The following SDK1 variants were observed in gnomAD, a reference collection of about 807,000 sequenced individuals.
SDK1 encodes protein sidekick-1.
A neutral mutation model predicts 245.5 loss-of-function variants in SDK1; 157 were observed. The ratio of observed to expected loss-of-function variants is 0.64; its 90% CI spans 0.56 to 0.73. SDK1 has a LOEUF of 0.73. Among genes scored for constraint, SDK1 ranks in the 30% least tolerant of loss-of-function variants. The probability of loss-of-function intolerance (pLI) is 0.00; values close to 1 mark genes in which losing one functional copy is unlikely to be tolerated. For missense variants in SDK1, 3,583 were observed against 3,002.3 expected (o/e 1.19, Z -4.52); for synonymous variants, 1,647 against 1,278.5 (o/e 1.29, Z -6.15).
chr7:3,455,021 T>C (rs73036763), intron 1 of SDK1, among the ~76,000 whole-genome samples: 25,601 of 152,176 alleles, frequency 0.17, 2,158 homozygotes, highest in South Asian at 0.22. Context: ...ATTTTAGATA[T>C]TCTGATAGGT....
At chr7:4,065,578 G>C (rs1448755260) in intron 19 of SDK1, among the ~76,000 whole-genome samples, 1 of 152,014 alleles carries the variant, frequency 6.6e-6, no homozygotes, top group African/African-American at 2.4e-5. Flanking sequence ...GGATGAGATG[G>C]TCTTGACAGC....
At chr7:3,834,290 G>C (rs1250435543) in intron 5 of SDK1, among the ~76,000 whole-genome samples, 1 of 152,212 alleles carries the variant, frequency 6.6e-6, no homozygotes, top group Non-Finnish European at 1.5e-5. Context: ...GCTTGATGCC[G>C]AGGACACTTG....
At chr7:3,475,091 T>G (rs1781312230) in intron 1 of SDK1, among the ~76,000 whole-genome samples, 4 of 152,244 alleles carry the variant, frequency 2.6e-5, no homozygotes, top group Admixed American at 2.6e-4. Context: ...AAAACACATT[T>G]AATCATGATA....
At chr7:3,998,094 A>G (rs56240734) in intron 14 of SDK1, among the ~76,000 whole-genome samples, 2 of 152,082 alleles carry the variant, frequency 1.3e-5, no homozygotes, top group African/African-American at 4.8e-5. Context: ...CAAGGAGGCT[A>G]GGATCTGCAG....
chr7:3,537,577 C>T (rs2128619628), intron 1 of SDK1, among the ~76,000 whole-genome samples: 1 of 152,320 alleles, frequency 6.6e-6, no homozygotes, highest in Non-Finnish European at 1.5e-5. Flanking sequence ...GAATAACAAA[C>T]TGCAAGCTTG....
intron 22 of SDK1, among the ~76,000 whole-genome samples, chr7:4,081,684 C>G (rs1429323526): frequency 1.3e-5 from 2 of 152,092 alleles, no homozygotes; most frequent in African/African-American, 2.4e-5. Context: ...TCCCAAATCG[C>G]TGGGATTACA....
chr7:3,308,890 A>C (rs1020510522), intron 1 of SDK1, among the ~76,000 whole-genome samples: 5 of 152,088 alleles, frequency 3.3e-5, no homozygotes, highest in Non-Finnish European at 7.4e-5. Context: ...ATGAGAAAAA[A>C]ATAGAGGGAG....
chr7:4,200,394 A>G (rs1278909394), intron 35 of SDK1, among the ~76,000 whole-genome samples: 1 of 152,248 alleles, frequency 6.6e-6, no homozygotes, highest in African/African-American at 2.4e-5. Flanking sequence ...TGATCCCAGT[A>G]TAGCAACCTA....
At chr7:3,887,009 A>T (rs932818188) in intron 5 of SDK1, among the ~76,000 whole-genome samples, 1 of 152,202 alleles carries the variant, frequency 6.6e-6, no homozygotes, top group Non-Finnish European at 1.5e-5. Flanking sequence ...GGCTACGTTA[A>T]TATTTTTTTT....
At position 4,215,039 on chromosome 7, in the gene SDK1, A is replaced by G. The variant is rs144496600; in HGVS notation, c.5539+4877A>G. On this transcript the variant is annotated intron_variant, in intron 38 of 44. Transcript: ENST00000404826. Reference sequence around the variant, plus strand: ...GCCTGGGGAAGGCCCTCCTCACCACAAATGCCAGCAGAGCCTCGGGACCCT... The same window carrying G: ...GCCTGGGGAAGGCCCTCCTCACCACGAATGCCAGCAGAGCCTCGGGACCCT... Among the ~76,000 whole-genome samples the G allele has an allele frequency of 3.7e-3, 558 of 152,294 alleles. 4 individuals are homozygous for G. The highest frequency in any genetic ancestry group is 0.013 in the African/African-American group (536 of 41,562).
intron 1 of SDK1, among the ~76,000 whole-genome samples, chr7:3,591,176 G>T (rs187483294): frequency 6.6e-6 from 1 of 152,204 alleles, no homozygotes; most frequent in Non-Finnish European, 1.5e-5. Flanking sequence ...CCTGTAGGCA[G>T]TTCAAGGTGT....
chr7:3,918,690 AC>A (rs1188420019), intron 5 of SDK1, among the ~76,000 whole-genome samples: 1 of 152,166 alleles, frequency 6.6e-6, no homozygotes, highest in African/African-American at 2.4e-5. Context: ...CTTCTGTGAA[AC>A]CAGTCCCTGT....
In SDK1 at chr7:4,017,305, G is replaced by A. The variant is rs1786490732; in HGVS notation, c.2555G>A (p.Gly852Asp). The A allele has an allele frequency of 1.2e-6, 2 of 1,613,802 alleles. No homozygotes were observed. The highest frequency in any genetic ancestry group is 1.7e-6 in the Non-Finnish European group (2 of 1,179,890). The change falls in exon 17 of 45, where the codon GGT becomes GAT. Residue 852 changes from glycine to aspartate, a missense_variant. Gly to Asp is a moderately conservative substitution (Grantham distance 94, BLOSUM62 -1). Coordinates refer to ENST00000404826, the MANE Select transcript of SDK1 (RefSeq NM_152744.4). ...CAGGTGGCGGCGTACAACGGGGCCG[G>A]TCTGGGCGTCTTCAGCAGGGCAGTG... is the stretch of plus-strand genomic sequence containing the variant. ...EIQVAAYNGA[G>D]LGVFSRAVTE...
chr7:4,147,956 C>T (rs1450598089), intron 29 of SDK1, among the ~76,000 whole-genome samples: 9 of 152,138 alleles, frequency 5.9e-5, no homozygotes, highest in Admixed American at 5.9e-4. Context: ...TCCCCGTGTC[C>T]TGCCCCACAG....
intron 12 of SDK1, among the ~76,000 whole-genome samples, chr7:3,972,235 A>C (rs900199670): frequency 5.3e-5 from 8 of 150,992 alleles, no homozygotes; most frequent in Non-Finnish European, 1.0e-4. Context: ...GCCTGCCACC[A>C]CTCCCGGCTA....
chr7:3,349,129 A>G (rs11766702), intron 1 of SDK1, among the ~76,000 whole-genome samples: 44,528 of 151,288 alleles, frequency 0.29, 6,751 homozygotes, highest in East Asian at 0.39. Context: ...CTCCTCTCCT[A>G]CTTCTGCTGC....
chr7:4,251,195 A>G (rs527260645), intron 44 of SDK1, among the ~76,000 whole-genome samples: 6 of 152,342 alleles, frequency 3.9e-5, no homozygotes, highest in African/African-American at 1.4e-4. Context: ...TCATCAGTTG[A>G]TGAACATTTG....
intron 22 of SDK1, among the ~76,000 whole-genome samples, chr7:4,092,062 C>G (rs772804476): frequency 1.3e-5 from 2 of 152,172 alleles, no homozygotes; most frequent in Admixed American, 1.3e-4. Flanking sequence ...CGACAGGGCC[C>G]GGAATCCCAG....
chr7:3,748,803 A>C (rs1399842316), intron 4 of SDK1, among the ~76,000 whole-genome samples: 1 of 152,200 alleles, frequency 6.6e-6, no homozygotes, highest in African/African-American at 2.4e-5. Flanking sequence ...TATAATTACT[A>C]TACATAAATC....
Sources: allele counts gnomAD v4.1 joint callset (sites outside exome capture counted in the v4.1 genomes callset), GRCh38; gene constraint gnomAD v4.1.1; transcripts MANE v1.5; gene names NCBI Gene and HGNC (gene_info 2026-07-23, HGNC 2026-07-21).